Variants in PLXNA4 observed in about 807,000 individuals in gnomAD.
The protein encoded by PLXNA4 is plexin-A4.
PLXNA4 carries 44 observed loss-of-function variants against 191.8 expected under a neutral mutation model. The observed-to-expected ratio is 0.23, with a 90% CI of 0.18 to 0.29. PLXNA4 has a LOEUF of 0.29. Ranked by LOEUF, PLXNA4 falls within the 10% of genes least tolerant of loss-of-function variation. The probability of loss-of-function intolerance (pLI) is 1.00; values close to 1 mark genes in which losing one functional copy is unlikely to be tolerated. For missense variants in PLXNA4, 1,800 were observed against 2,488.8 expected, an observed-to-expected ratio of 0.72 and a Z score of 5.89; for synonymous variants, 1,082 against 1,009.5, an observed-to-expected ratio of 1.07 and a Z score of -1.36.
intron 3 of PLXNA4, among the ~76,000 whole-genome samples, chr7:132,326,680 G>C (rs1802373328): frequency 6.6e-6 from 1 of 152,186 alleles, no homozygotes; most frequent in Admixed American, 6.5e-5. Flanking sequence ...GACTCCGAGT[G>C]CTGATGGTTC....
rs758872988 is a variant in PLXNA4 at position 132,185,487 on chromosome 7, C to T, written c.2994-24G>A. On this transcript the variant is annotated intron_variant, in intron 15 of 31. Transcript: ENST00000321063. ...GCCTGGAGGGCAGGAAGACAGAGCA[C>T]TGGGCGCCTGGTGTTGAGGAGGACA... 1.9e-6 allele frequency: 3 copies of T among 1,599,634 alleles called. No homozygotes were observed. The Admixed American group carries it at 5.1e-5, about 27-fold the overall frequency.
At chr7:132,190,692 G>T (rs1797057973) in intron 14 of PLXNA4, among the ~76,000 whole-genome samples, 1 of 152,246 alleles carries the variant, frequency 6.6e-6, no homozygotes, top group Non-Finnish European at 1.5e-5. Flanking sequence ...CAAATGCAGA[G>T]CAGAGGCAGA....
rs777653632 is a variant in PLXNA4, at chr7:132,226,274, T to C, written c.1883-14A>G. ...CATGGTGGTCCCCTACAAGGAGAGA[T>C]GGCTGAGGGGTCAGGGAATGCTGAG... On this transcript the variant is annotated splice_polypyrimidine_tract_variant and intron_variant, in intron 7 of 31. Coordinates refer to ENST00000321063, the MANE Select transcript of PLXNA4 (RefSeq NM_020911.2). 2.5e-6 allele frequency: 4 copies of C among 1,606,240 alleles called. No homozygotes were observed. Among genetic ancestry groups the C allele is most frequent in the Non-Finnish European group, 2.6e-6 (3 of 1,174,032 alleles).
chr7:132,558,507 T>A (rs1309603779), intron 1 of PLXNA4, among the ~76,000 whole-genome samples: 1 of 152,084 alleles, frequency 6.6e-6, no homozygotes, highest in Admixed American at 6.6e-5. Context: ...TTTAGAAAAA[T>A]TATTTAATTA....
intron 1 of PLXNA4, among the ~76,000 whole-genome samples, chr7:132,543,801 C>G (rs2116520253): frequency 6.6e-6 from 1 of 152,314 alleles, no homozygotes; most frequent in Admixed American, 6.5e-5. Context: ...ATGAATTGGA[C>G]ACTTACGTGC....
intron 3 of PLXNA4, among the ~76,000 whole-genome samples, chr7:132,375,037 C>T (rs1804602015): frequency 1.3e-5 from 2 of 152,334 alleles, no homozygotes; most frequent in Non-Finnish European, 2.9e-5. Flanking sequence ...TCTGCATTCT[C>T]ATCCTGGATA....
In PLXNA4 at chr7:132,182,160, G is replaced by T; in HGVS notation, c.3189C>A (p.Thr1063=). The T allele has an allele frequency of 6.2e-7, 1 of 1,614,120 alleles. No homozygotes were observed. Among genetic ancestry groups the T allele is most frequent in the Non-Finnish European group, 8.5e-7 (1 of 1,180,018 alleles). ...GGGGGTTCTGTATGAGGTCCAGGTGGGTCCCCCATACGGCGATGGGTGTGT... is the reference window on the plus strand; with the variant it reads ...GGGGGTTCTGTATGAGGTCCAGGTGTGTCCCCCATACGGCGATGGGTGTGT... ...SGNTPIAVWG[T]HLDLIQNPQI... The change falls in exon 17 of 32, where the codon ACC becomes ACA. Residue 1063 remains threonine (T), a synonymous_variant. Transcript: ENST00000321063.
chr7:132,230,684 T>C (rs1012580863), intron 5 of PLXNA4, among the ~76,000 whole-genome samples: 1 of 152,194 alleles, frequency 6.6e-6, no homozygotes, highest in Non-Finnish European at 1.5e-5. Flanking sequence ...TTCCAGAGTG[T>C]CTGCACTGAC....
chr7:132,429,692 G>T (rs77213043), intron 3 of PLXNA4, among the ~76,000 whole-genome samples: 3 of 152,130 alleles, frequency 2.0e-5, no homozygotes, highest in Non-Finnish European at 1.5e-5. Context: ...GGAGTTTGCC[G>T]ACTGTTGCTC....
At chr7:132,532,091 G>A (rs935098557) in intron 1 of PLXNA4, among the ~76,000 whole-genome samples, 12 of 152,208 alleles carry the variant, frequency 7.9e-5, no homozygotes, top group African/African-American at 2.7e-4. Context: ...GCTTCCAGGT[G>A]TCAACTTGGC....
intron 3 of PLXNA4, among the ~76,000 whole-genome samples, chr7:132,340,315 T>G (rs1802978200): frequency 6.6e-6 from 1 of 152,216 alleles, no homozygotes; most frequent in African/African-American, 2.4e-5. Flanking sequence ...TGGACTGGTC[T>G]GAAGGAAAAC....
Position 132,410,908 on chromosome 7 carries a change from G to A in PLXNA4, c.1371+78384C>T, listed in dbSNP as rs147865459. Among the ~76,000 whole-genome samples the A allele has an allele frequency of 2.2e-4, 33 of 152,244 alleles. No homozygotes were observed. The East Asian group carries it at 5.6e-3, about 26-fold the overall frequency. ...TCCACTGGAAGCCCAAACCTCAGAC[G>A]TGAGCCCCAGGAGATACCAGCCTGT... On this transcript the variant is annotated intron_variant, in intron 3 of 31. Transcript: ENST00000321063.
At position 132,439,768 on chromosome 7, in the gene PLXNA4, C is replaced by T. The variant is rs1170143885; in HGVS notation, c.1371+49524G>A. 3.9e-5 allele frequency among the ~76,000 whole-genome samples: 6 copies of T among 152,318 alleles called. No individual in the cohort carries two copies. The East Asian group carries it at 9.7e-4, about 25-fold the overall frequency. ...CCTAATTATTTCTACTCTCTTTTCC[C>T]TTTCCCTAAAGGCCCTAGGACAGTT... On this transcript the variant is annotated intron_variant, in intron 3 of 31. Transcript: ENST00000321063.
chr7:132,594,601 A>C (rs879848358), intron 2 of PLXNA4, among the ~76,000 whole-genome samples: 1 of 152,204 alleles, frequency 6.6e-6, no homozygotes, highest in Non-Finnish European at 1.5e-5. Flanking sequence ...GTGGCAGCAC[A>C]CTTTGAAAAC....
chr7:132,449,350 T>G (rs1376573833), intron 3 of PLXNA4, among the ~76,000 whole-genome samples: 2 of 152,068 alleles, frequency 1.3e-5, no homozygotes, highest in African/African-American at 4.8e-5. Flanking sequence ...CAACCCAAAT[T>G]AAAACAATCC....
At chr7:132,251,746 G>C (rs1426807246) in intron 4 of PLXNA4, among the ~76,000 whole-genome samples, 1 of 152,232 alleles carries the variant, frequency 6.6e-6, no homozygotes, top group African/African-American at 2.4e-5. Context: ...CACAGGAGTA[G>C]CATTTGCACA....
At chr7:132,564,869 C>T (rs1801645413) in intron 1 of PLXNA4, among the ~76,000 whole-genome samples, 1 of 152,182 alleles carries the variant, frequency 6.6e-6, no homozygotes, top group African/African-American at 2.4e-5. Context: ...GGCCTCTGGA[C>T]TCCTGCACTG....
chr7:132,500,100 G>A (rs1443565922), intron 2 of PLXNA4, among the ~76,000 whole-genome samples: 1 of 152,216 alleles, frequency 6.6e-6, no homozygotes, highest in Admixed American at 6.5e-5. Flanking sequence ...TAAGGGACAT[G>A]TGAAGGTAAC....
chr7:132,401,467 A>G (rs181822943), intron 3 of PLXNA4, among the ~76,000 whole-genome samples: 7 of 152,346 alleles, frequency 4.6e-5, no homozygotes, highest in Admixed American at 2.0e-4. Flanking sequence ...AGACACACAC[A>G]TGAAATCCAG....
Sources: gnomAD v4.1 joint callset for allele counts (sites outside exome capture counted in the v4.1 genomes callset) on GRCh38, gnomAD v4.1.1 for gene constraint, MANE v1.5 for transcripts, NCBI Gene and HGNC (gene_info 2026-07-23, HGNC 2026-07-21) for gene names.